COL11A1: variants seen among roughly 807,000 people sequenced by gnomAD.
COL11A1 encodes collagen type XI alpha 1 chain.
COL11A1 carries 74 observed loss-of-function variants against 265.2 expected under a neutral mutation model. That is an observed-to-expected ratio of 0.28 (90% confidence interval 0.23 to 0.34). The LOEUF (loss-of-function observed/expected upper bound fraction) is 0.34, where lower values mean the gene tolerates loss of function less well. Ranked by LOEUF, COL11A1 falls within the 10% of genes least tolerant of loss-of-function variation. COL11A1 has a pLI of 1.00. For synonymous variants in COL11A1, 816 were observed against 727.6 expected, an observed-to-expected ratio of 1.12 and a Z score of -1.96; for missense variants, 2,165 against 2,263.6, an observed-to-expected ratio of 0.96 and a Z score of 0.88.
At chr1:102,957,444 A>T (rs557085730) in intron 41 of COL11A1, among the ~76,000 whole-genome samples, 1 of 152,088 alleles carries the variant, frequency 6.6e-6, no homozygotes, top group African/African-American at 2.4e-5. Flanking sequence ...GCAATGAGGG[A>T]ATTTATTATT....
intron 3 of COL11A1, among the ~76,000 whole-genome samples, chr1:103,076,014 G>A (rs1671947002): frequency 6.6e-6 from 1 of 151,986 alleles, no homozygotes; most frequent in Non-Finnish European, 1.5e-5. Flanking sequence ...ATAGGTATGT[G>A]CTTTTCATTA....
chr1:103,099,727 A>T (rs567837043), intron 1 of COL11A1, among the ~76,000 whole-genome samples: 2 of 151,882 alleles, frequency 1.3e-5, no homozygotes, highest in Non-Finnish European at 2.9e-5. Context: ...AACAAAACAA[A>T]GTTTTGGAGG....
At chr1:103,106,657 C>T (rs905128271) in intron 1 of COL11A1, among the ~76,000 whole-genome samples, 1 of 152,182 alleles carries the variant, frequency 6.6e-6, no homozygotes, top group Admixed American at 6.5e-5. Flanking sequence ...CATAATTAAT[C>T]AACATAATAA....
intron 4 of COL11A1, among the ~76,000 whole-genome samples, chr1:103,040,596 G>T (rs77834876): frequency 0.081 from 12,236 of 151,420 alleles, 554 homozygotes; most frequent in Middle Eastern, 0.13. Context: ...TGTTACCACA[G>T]TTTGATCCCC....
At chr1:103,043,595 C>T (rs1024865291) in intron 4 of COL11A1, among the ~76,000 whole-genome samples, 9 of 152,028 alleles carry the variant, frequency 5.9e-5, no homozygotes, top group African/African-American at 9.7e-5. Context: ...ATTTCAACAC[C>T]TGTAAATGAA....
rs1651039937 is a variant in COL11A1, at chr1:102,886,827, C to T, written c.4838G>A (p.Ser1613Asn). The T allele has an allele frequency of 6.2e-7, 1 of 1,613,730 alleles. No individual in the cohort carries two copies. The highest frequency in any genetic ancestry group is 1.7e-5 in the Admixed American group (1 of 59,966). ...PARTCKDLQL[S>N]HPDFPDGEYW... ...CATACCATCTGGGAAGTCAGGATGG[C>T]TGAGTTGCAGGTCTTTACAAGTTCG... The change falls in exon 63 of 67, where the codon AGC becomes AAC. Residue 1613 changes from serine (S) to asparagine (N), a missense_variant. Coordinates refer to ENST00000370096, the MANE Select transcript of COL11A1 (RefSeq NM_001854.4).
At chr1:103,013,196 T>C (rs530930722) in intron 13 of COL11A1, among the ~76,000 whole-genome samples, 1 of 152,102 alleles carries the variant, frequency 6.6e-6, no homozygotes, top group African/African-American at 2.4e-5. Flanking sequence ...ATATCAAAAA[T>C]AATACAACAG....
At chr1:102,961,619 C>T (rs1423178057) in intron 41 of COL11A1, 28 of 420,962 alleles carry the variant, frequency 6.7e-5, no homozygotes, top group Middle Eastern at 7.0e-4. Context: ...CCTTGGGAAC[C>T]GTAAGAAGCA....
intron 7 of COL11A1, among the ~76,000 whole-genome samples, chr1:103,023,905 T>C (rs1339627489): frequency 6.6e-6 from 1 of 152,098 alleles, no homozygotes; most frequent in Non-Finnish European, 1.5e-5. Flanking sequence ...CAATGAAATA[T>C]AAAATATCAC....
intron 11 of COL11A1, among the ~76,000 whole-genome samples, chr1:103,017,506 G>T (rs553839107): frequency 1.2e-4 from 18 of 152,182 alleles, no homozygotes; most frequent in Admixed American, 1.1e-3. Context: ...AATATAAATG[G>T]AAATATCTGG....
intron 1 of COL11A1, among the ~76,000 whole-genome samples, chr1:103,107,163 C>T (rs1275417576): frequency 6.6e-6 from 1 of 151,982 alleles, no homozygotes; most frequent in Non-Finnish European, 1.5e-5. Context: ...AGTCGCTCTC[C>T]CTCCGTGGGT....
intron 4 of COL11A1, among the ~76,000 whole-genome samples, chr1:103,060,310 A>G (rs1670572432): frequency 6.6e-6 from 1 of 152,204 alleles, no homozygotes; most frequent in Non-Finnish European, 1.5e-5. Context: ...ACAAAAATTG[A>G]GGAATTTGCT....
At chr1:102,921,048 T>C (rs1375839032) in intron 48 of COL11A1, among the ~76,000 whole-genome samples, 3 of 152,190 alleles carry the variant, frequency 2.0e-5, no homozygotes, top group African/African-American at 4.8e-5. Flanking sequence ...TTGGAGAATA[T>C]CATCTTTATA....
At chr1:102,914,227 G>T in intron 52 of COL11A1, 125 bp downstream of exon 52, 1 of 786,544 alleles carries the variant, frequency 1.3e-6, no homozygotes, top group Non-Finnish European at 2.1e-6. Flanking sequence ...TACTTTTTAT[G>T]TTTTCTTTTT....
In COL11A1 at chr1:103,022,767, G is replaced by T. The variant is rs1164266273; in HGVS notation, c.1220C>A (p.Ala407Glu). The stretch of plus-strand genomic sequence containing the variant: ...GCTTGTTTCTGTAATATCAGTTTCT[G>T]CTGGTACACCTGGACCAAATTCTTC... ...PNEEFGPGVP[A>E]ETDITETSIN... Residue 407 changes from alanine (A) to glutamate (E), a missense_variant, in exon 8 of 67, where the codon GCA (alanine) becomes GAA (glutamate). By Grantham distance (107) the Ala-to-Glu change is moderately radical (BLOSUM62 -1). Transcript: ENST00000370096. 1 of 1,613,490 alleles carries T rather than the reference G, an allele frequency of 6.2e-7. No homozygotes were observed. Among genetic ancestry groups the T allele is most frequent in the African/African-American group, 1.3e-5 (1 of 74,920 alleles).
chr1:102,961,624 G>A (rs1047322442), intron 41 of COL11A1: 1 of 441,538 alleles, frequency 2.3e-6, no homozygotes, highest in African/African-American at 2.0e-5. Context: ...GGAACCGTAA[G>A]AAGCAAGATA....
At chr1:102,925,015 A>G (rs1457048973) in intron 46 of COL11A1, among the ~76,000 whole-genome samples, 1 of 151,188 alleles carries the variant, frequency 6.6e-6, no homozygotes, top group African/African-American at 2.4e-5. Flanking sequence ...TATATGCTAT[A>G]CATAATTAAT....
intron 46 of COL11A1, 51 bp from the exon 47 acceptor site, chr1:102,923,440 A>G (rs764335494): frequency 4.2e-6 from 6 of 1,428,686 alleles, no homozygotes; most frequent in South Asian, 2.6e-5. Flanking sequence ...TCTTTAAAAA[A>G]AAAAGTTTGG....
chr1:102,921,813 G>A (rs1188389530), intron 47 of COL11A1, among the ~76,000 whole-genome samples: 1 of 152,152 alleles, frequency 6.6e-6, no homozygotes, highest in Non-Finnish European at 1.5e-5. Context: ...AATGGGCCAA[G>A]AAAGCCTATT....
Sources: allele counts gnomAD v4.1 joint callset (sites outside exome capture counted in the v4.1 genomes callset), GRCh38; gene constraint gnomAD v4.1.1; transcripts MANE v1.5; gene names NCBI Gene and HGNC (gene_info 2026-07-23, HGNC 2026-07-21).